OR4N2: variants seen among roughly 807,000 people sequenced by gnomAD.
The protein encoded by OR4N2 is olfactory receptor 4N2.
For synonymous variants in OR4N2, 141 were observed against 140.4 expected (o/e 1.00, Z -0.03); for missense variants, 307 against 377.6 (o/e 0.81, Z 1.55).
intron 1 of OR4N2, among the ~76,000 whole-genome samples, chr14:19,805,847 G>A (rs1489078275): frequency 2.0e-5 from 3 of 152,128 alleles, no homozygotes; most frequent in African/African-American, 7.2e-5. Context: ...TATGTACGAA[G>A]GGAACCCCAT....
At chr14:19,820,245 T>G (rs1010218453) in intron 1 of OR4N2, among the ~76,000 whole-genome samples, 30 of 152,360 alleles carry the variant, frequency 2.0e-4, no homozygotes, top group African/African-American at 7.0e-4. Flanking sequence ...TCTCCTGGAT[T>G]CATTGATTTT....
At chr14:19,823,769 A>C (rs1212346691) in intron 1 of OR4N2, among the ~76,000 whole-genome samples, 1 of 152,212 alleles carries the variant, frequency 6.6e-6, no homozygotes, top group Admixed American at 6.5e-5. Flanking sequence ...ACAGGCAACA[A>C]ATTAACAGGG....
chr14:19,811,772 T>C (rs1188503266), intron 1 of OR4N2, among the ~76,000 whole-genome samples: 2 of 152,222 alleles, frequency 1.3e-5, no homozygotes, highest in South Asian at 4.1e-4. Flanking sequence ...AAATTCTAAG[T>C]AGATTGGAAA....
intron 1 of OR4N2, among the ~76,000 whole-genome samples, chr14:19,820,158 CAG>C (rs1362684734): frequency 6.6e-6 from 1 of 152,230 alleles, no homozygotes; most frequent in African/African-American, 2.4e-5. Context: ...TCAGGAGGCA[CAG>C]GCATCAGGGA....
chr14:19,819,438 T>A (rs1447494931), intron 1 of OR4N2, among the ~76,000 whole-genome samples: 2 of 152,272 alleles, frequency 1.3e-5, no homozygotes, highest in Admixed American at 6.5e-5. Context: ...ATTAAGTTGA[T>A]CTTCAATCCC....
intron 1 of OR4N2, among the ~76,000 whole-genome samples, chr14:19,822,843 T>A (rs1287806428): frequency 6.6e-6 from 1 of 152,258 alleles, no homozygotes; most frequent in Non-Finnish European, 1.5e-5. Flanking sequence ...AACTATTTGG[T>A]AGATGACAAC....
chr14:19,807,150 T>A (rs1171731081), intron 1 of OR4N2, among the ~76,000 whole-genome samples: 1 of 151,658 alleles, frequency 6.6e-6, no homozygotes, highest in Non-Finnish European at 1.5e-5. Context: ...AAAATCTGAA[T>A]TTAATAATCC....
rs548293688 is a variant in OR4N2, at chr14:19,829,253, T to G, written c.*881T>G. On this transcript the variant is annotated 3_prime_UTR_variant, in exon 2 of 2. Transcript: ENST00000557677. ...TTTTTTTCTAGAGCTTCATGATTAC[T>G]CCTAGCAAATTTTTATGACTTTTAG... 32 of 152,368 alleles carry G rather than the reference T, an allele frequency of 2.1e-4. No homozygotes were observed. Among genetic ancestry groups the G allele is most frequent in the African/African-American group, 7.7e-4 (32 of 41,580 alleles). The allele number at this position is 152,368 out of a possible 1,614,324, so 9.4% of individuals were successfully genotyped here.
At chr14:19,809,656 A>G (rs1344056830) in intron 1 of OR4N2, among the ~76,000 whole-genome samples, 1 of 152,248 alleles carries the variant, frequency 6.6e-6, no homozygotes, top group Non-Finnish European at 1.5e-5. Flanking sequence ...AAACAGACAC[A>G]TAAACCAATG....
intron 1 of OR4N2, among the ~76,000 whole-genome samples, chr14:19,817,922 T>C (rs1879468105): frequency 6.6e-6 from 1 of 152,274 alleles, no homozygotes; most frequent in Admixed American, 6.5e-5. Flanking sequence ...AACTTATTTA[T>C]TTCTGCCTAA....
chr14:19,811,403 C>A (rs202062253), intron 1 of OR4N2, among the ~76,000 whole-genome samples: 2 of 152,186 alleles, frequency 1.3e-5, no homozygotes, highest in Admixed American at 6.5e-5. Context: ...CCCACCACCA[C>A]GCCTGGCTAA....
At chr14:19,826,912 T>C (rs1217135963) in intron 1 of OR4N2, among the ~76,000 whole-genome samples, 1 of 152,124 alleles carries the variant, frequency 6.6e-6, no homozygotes, top group African/African-American at 2.4e-5. Context: ...AGAAGTAAAT[T>C]AGATGATAAG....
chr14:19,809,397 A>C (rs984395383), intron 1 of OR4N2, among the ~76,000 whole-genome samples: 1 of 152,238 alleles, frequency 6.6e-6, no homozygotes, highest in African/African-American at 2.4e-5. Flanking sequence ...CAGCAAAAGA[A>C]ACTATCAATA....
At chr14:19,804,779 A>G (rs1173617470) in intron 1 of OR4N2, among the ~76,000 whole-genome samples, 1 of 152,302 alleles carries the variant, frequency 6.6e-6, no homozygotes, top group East Asian at 1.9e-4. Flanking sequence ...ATGCTCTAAT[A>G]CTGTCAGTGG....
At chr14:19,812,640 G>A (rs1213676584) in intron 1 of OR4N2, among the ~76,000 whole-genome samples, 2 of 152,196 alleles carry the variant, frequency 1.3e-5, no homozygotes. Context: ...TGACAGGCGT[G>A]AGCCACCGTG....
chr14:19,813,783 A>G (rs59581969), intron 1 of OR4N2, among the ~76,000 whole-genome samples: 3,562 of 150,586 alleles, frequency 0.024, 35 homozygotes, highest in African/African-American at 0.079. Flanking sequence ...TGGATAAGGA[A>G]TTTCGCCTCT....
chr14:19,805,767 C>T (rs571067623), intron 1 of OR4N2, among the ~76,000 whole-genome samples: 11 of 152,204 alleles, frequency 7.2e-5, no homozygotes, highest in African/African-American at 2.6e-4. Context: ...ACGAGATGTA[C>T]AAGGCACATA....
At chr14:19,817,921 A>G (rs1879468046) in intron 1 of OR4N2, among the ~76,000 whole-genome samples, 1 of 152,206 alleles carries the variant, frequency 6.6e-6, no homozygotes, top group Non-Finnish European at 1.5e-5. Context: ...GAACTTATTT[A>G]TTTCTGCCTA....
intron 1 of OR4N2, among the ~76,000 whole-genome samples, chr14:19,825,900 C>T (rs1347789311): frequency 6.6e-6 from 1 of 152,208 alleles, no homozygotes; most frequent in Non-Finnish European, 1.5e-5. Flanking sequence ...TTAGTTAAAT[C>T]ATATTAAGAA....
Sources: allele counts gnomAD v4.1 joint callset (sites outside exome capture counted in the v4.1 genomes callset), GRCh38; gene constraint gnomAD v4.1.1; transcripts MANE v1.5; gene names NCBI Gene and HGNC (gene_info 2026-07-23, HGNC 2026-07-21).